Variants in PVT1 observed in about 807,000 individuals in gnomAD.
PVT1 encodes CXCR4/PVT1 fusion.
intron 2 of PVT1, among the ~76,000 whole-genome samples, chr8:127,801,713 A>G (rs974516288): frequency 4.6e-5 from 7 of 152,106 alleles, no homozygotes; most frequent in Non-Finnish European, 1.0e-4. Flanking sequence ...GGATGGGGCC[A>G]CAGGAATGGA....
chr8:127,941,347 T>C (rs980141496), intron 3 of PVT1, among the ~76,000 whole-genome samples: 9 of 152,210 alleles, frequency 5.9e-5, no homozygotes, highest in Admixed American at 5.9e-4. Context: ...TCTATTGCCA[T>C]GGGAGGCAAC....
intron 2 of PVT1, among the ~76,000 whole-genome samples, chr8:127,846,924 G>A (rs1156710992): frequency 1.4e-5 from 2 of 146,652 alleles, no homozygotes; most frequent in Admixed American, 6.9e-5. Flanking sequence ...CAGGTGATCC[G>A]CCCACCTCGG....
intron 4 of PVT1, among the ~76,000 whole-genome samples, chr8:128,035,719 C>A (rs1813454276): frequency 1.3e-5 from 2 of 152,170 alleles, no homozygotes; most frequent in Non-Finnish European, 2.9e-5. Flanking sequence ...CCAAAGCAAT[C>A]ACAAATAGTT....
intron 3 of PVT1, among the ~76,000 whole-genome samples, chr8:127,894,593 T>TA (rs1815651046): frequency 6.6e-6 from 1 of 152,122 alleles, no homozygotes; most frequent in African/African-American, 2.4e-5. Flanking sequence ...TAGATAAGAA[T>TA]AAAAAAATTG....
At chr8:128,012,897 T>TA (rs963095464) in intron 4 of PVT1, among the ~76,000 whole-genome samples, 5 of 152,198 alleles carry the variant, frequency 3.3e-5, no homozygotes, top group African/African-American at 1.2e-4. Flanking sequence ...TTTGGTGTTT[T>TA]AAAAAATCTC....
intron 4 of PVT1, among the ~76,000 whole-genome samples, chr8:128,013,640 G>A (rs565719960): frequency 5.9e-5 from 9 of 152,284 alleles, no homozygotes; most frequent in African/African-American, 2.2e-4. Flanking sequence ...AGGATGCTAC[G>A]GAGACTAGAA....
intron 2 of PVT1, among the ~76,000 whole-genome samples, chr8:127,809,052 A>AAAAAAAAAAAAAAAAAAAAAAAAG (rs1554588311): frequency 2.2e-5 from 3 of 135,028 alleles, no homozygotes; most frequent in African/African-American, 6.1e-5. Flanking sequence ...AAAAAAAAAA[A>AAAAAAAAAAAAAAAAAAAAAAAAG]AAAGAAAGAA....
chr8:127,900,937 G>C (rs1320238658), intron 3 of PVT1, among the ~76,000 whole-genome samples: 1 of 152,204 alleles, frequency 6.6e-6, no homozygotes, highest in East Asian at 1.9e-4. Context: ...TGACACGCCT[G>C]AATGGGGTGA....
At chr8:127,855,462 T>C (rs1465905669) in intron 2 of PVT1, 2 of 363,216 alleles carry the variant, frequency 5.5e-6, no homozygotes, top group Non-Finnish European at 9.8e-6. Flanking sequence ...AGGTTCCAGC[T>C]TCACCCTCCT....
At chr8:127,841,593 A>T (rs1331917827) in intron 2 of PVT1, among the ~76,000 whole-genome samples, 1 of 152,062 alleles carries the variant, frequency 6.6e-6, no homozygotes, top group Admixed American at 6.6e-5. Flanking sequence ...GTGAAATTAG[A>T]CAGCAAGAGG....
At chr8:127,969,860 G>A (rs532457347) in intron 3 of PVT1, among the ~76,000 whole-genome samples, 1 of 152,270 alleles carries the variant, frequency 6.6e-6, no homozygotes, top group East Asian at 1.9e-4. Context: ...CTGACATAGA[G>A]GCCACTATTG....
chr8:127,896,401 T>A (rs1235624149), intron 3 of PVT1, among the ~76,000 whole-genome samples: 1 of 152,046 alleles, frequency 6.6e-6, no homozygotes, highest in Non-Finnish European at 1.5e-5. Flanking sequence ...AGGCCTGGGC[T>A]CCAGGGGCAG....
intron 3 of PVT1, among the ~76,000 whole-genome samples, chr8:127,891,469 T>G (rs962234278): frequency 6.6e-6 from 1 of 152,236 alleles, no homozygotes; most frequent in African/African-American, 2.4e-5. Flanking sequence ...TGTGGGCAGA[T>G]GCATGTGGAG....
chr8:127,817,571 A>G (rs1215172807), intron 2 of PVT1, among the ~76,000 whole-genome samples: 2 of 144,478 alleles, frequency 1.4e-5, no homozygotes, highest in African/African-American at 2.6e-5. Flanking sequence ...ATATATATAT[A>G]TATTTCCCTA....
intron 3 of PVT1, among the ~76,000 whole-genome samples, chr8:127,921,445 C>T (rs929246014): frequency 2.0e-5 from 3 of 152,020 alleles, no homozygotes; most frequent in African/African-American, 4.8e-5. Flanking sequence ...TGTGAGAAAA[C>T]GTGTGCTAAG....
chr8:127,878,192 A>AC (rs1294688454), intron 2 of PVT1, among the ~76,000 whole-genome samples: 1 of 151,972 alleles, frequency 6.6e-6, no homozygotes, highest in Admixed American at 6.6e-5. Flanking sequence ...GAAAAAAAAA[A>AC]CCCCACAAAT....
intron 4 of PVT1, among the ~76,000 whole-genome samples, chr8:128,067,937 G>T (rs1380577415): frequency 7.0e-6 from 1 of 142,836 alleles, no homozygotes; most frequent in Non-Finnish European, 1.5e-5. Context: ...TCTATTCTTG[G>T]ACTAACATAC....
At chr8:127,985,770 G>C (rs116609897) in intron 3 of PVT1, among the ~76,000 whole-genome samples, 7 of 152,196 alleles carry the variant, frequency 4.6e-5, no homozygotes, top group Non-Finnish European at 1.0e-4. Context: ...GCCATCTACA[G>C]CTCTTGCAGG....
chr8:127,820,855 T>G (rs1415230038), intron 2 of PVT1, among the ~76,000 whole-genome samples: 1 of 152,102 alleles, frequency 6.6e-6, no homozygotes, highest in Non-Finnish European at 1.5e-5. Flanking sequence ...ATTACAGACA[T>G]GCACCACCAT....
Sources: allele counts gnomAD v4.1 joint callset (sites outside exome capture counted in the v4.1 genomes callset), GRCh38; gene constraint gnomAD v4.1.1; transcripts MANE v1.5; gene names NCBI Gene and HGNC (gene_info 2026-07-23, HGNC 2026-07-21).